ERBB4: variants seen among roughly 807,000 people sequenced by gnomAD.
The protein encoded by ERBB4 is receptor tyrosine-protein kinase erbB-4.
ERBB4 carries 42 observed loss-of-function variants against 158.0 expected under a neutral mutation model. That is an observed-to-expected ratio of 0.27 (90% confidence interval 0.21 to 0.34). The LOEUF (loss-of-function observed/expected upper bound fraction) is 0.34, where lower values mean the gene tolerates loss of function less well. Ranked by LOEUF, ERBB4 falls within the 10% of genes least tolerant of loss-of-function variation. The probability of loss-of-function intolerance (pLI) is 1.00; values close to 1 mark genes in which losing one functional copy is unlikely to be tolerated. For missense variants in ERBB4, 1,333 were observed against 1,624.1 expected (o/e 0.82, Z 3.08); for synonymous variants, 583 against 558.7 (o/e 1.04, Z -0.61).
chr2:212,529,231 TA>T (rs1355933170), intron 1 of ERBB4, among the ~76,000 whole-genome samples: 1 of 152,176 alleles, frequency 6.6e-6, no homozygotes, highest in Non-Finnish European at 1.5e-5. Context: ...ATTAAATGTT[TA>T]AATGGCAGAT....
At chr2:211,872,607 C>A (rs1304533760) in intron 3 of ERBB4, among the ~76,000 whole-genome samples, 2 of 151,926 alleles carry the variant, frequency 1.3e-5, no homozygotes, top group Non-Finnish European at 2.9e-5. Flanking sequence ...ATATGTTAAA[C>A]ATCAGGTCAG....
intron 20 of ERBB4, among the ~76,000 whole-genome samples, chr2:211,526,062 C>A (rs75495812): frequency 0.084 from 12,736 of 152,078 alleles, 668 homozygotes; most frequent in African/African-American, 0.15. Flanking sequence ...GGCTGGCTTG[C>A]CACCTGCTGA....
At chr2:212,081,984 T>G (rs1260263281) in intron 2 of ERBB4, among the ~76,000 whole-genome samples, 3 of 152,136 alleles carry the variant, frequency 2.0e-5, no homozygotes, top group Non-Finnish European at 4.4e-5. Flanking sequence ...ATTGGCTGTA[T>G]TATTGTCTAG....
intron 1 of ERBB4, 42 bp from the exon 2 acceptor site, chr2:212,124,945 A>G: frequency 1.2e-6 from 2 of 1,603,046 alleles, no homozygotes; most frequent in East Asian, 2.2e-5. Flanking sequence ...CATAACCTTT[A>G]TATGATATGC....
chr2:212,418,767 A>G (rs1560268434), intron 1 of ERBB4, among the ~76,000 whole-genome samples: 1 of 151,790 alleles, frequency 6.6e-6, no homozygotes, highest in Non-Finnish European at 1.5e-5. Flanking sequence ...AAAGGCATAA[A>G]TGATTTACCA....
intron 3 of ERBB4, among the ~76,000 whole-genome samples, chr2:211,861,337 T>G (rs1235975515): frequency 1.4e-5 from 1 of 73,864 alleles, no homozygotes; most frequent in Non-Finnish European, 2.6e-5. Flanking sequence ...GTTTTTTTTT[T>G]TGTTTTTTTT....
chr2:211,784,717 C>G (rs1475842414), intron 4 of ERBB4, among the ~76,000 whole-genome samples: 1 of 152,036 alleles, frequency 6.6e-6, no homozygotes, highest in East Asian at 1.9e-4. Context: ...ACAATCCCAC[C>G]AAGAAGGATT....
At position 212,034,455 on chromosome 2, in the gene ERBB4, A is replaced by T. The variant is rs114457019; in HGVS notation, c.235-86839T>A. Reference sequence around the variant, plus strand: ...GAATAGTGGTTATGATTCCCAGCTAATGGACAAAGCAAAAACTATCCTTTA... The same window carrying T: ...GAATAGTGGTTATGATTCCCAGCTATTGGACAAAGCAAAAACTATCCTTTA... On this transcript the variant is annotated intron_variant, in intron 2 of 27. Transcript: ENST00000342788. Among the ~76,000 whole-genome samples the T allele has an allele frequency of 8.8e-3, 1,332 of 152,168 alleles. 16 individuals carry two copies. Among genetic ancestry groups the T allele is most frequent in the African/African-American group, 0.031 (1,271 of 41,550 alleles).
chr2:212,409,864 ACAT>A (rs1228548196), intron 1 of ERBB4, among the ~76,000 whole-genome samples: 1 of 152,118 alleles, frequency 6.6e-6, no homozygotes, highest in Non-Finnish European at 1.5e-5. Flanking sequence ...ATAATACATC[ACAT>A]CAAACAGAAA....
intron 7 of ERBB4, among the ~76,000 whole-genome samples, chr2:211,722,144 A>T (rs2074118566): frequency 6.6e-6 from 1 of 152,168 alleles, no homozygotes; most frequent in Non-Finnish European, 1.5e-5. Context: ...TACAGGTGTG[A>T]GCCAGTGCGC....
At chr2:211,592,503 T>A (rs760149167) in intron 19 of ERBB4, among the ~76,000 whole-genome samples, 1 of 152,164 alleles carries the variant, frequency 6.6e-6, no homozygotes, top group Non-Finnish European at 1.5e-5. Flanking sequence ...TAAAGCGTAA[T>A]GTCTGACATG....
At chr2:211,921,111 T>C (rs2079847771) in intron 3 of ERBB4, among the ~76,000 whole-genome samples, 1 of 152,084 alleles carries the variant, frequency 6.6e-6, no homozygotes, top group African/African-American at 2.4e-5. Context: ...GCTGTATCTT[T>C]ATGCATATTC....
chr2:211,515,912 ATTTTT>A (rs1553555083), intron 20 of ERBB4, among the ~76,000 whole-genome samples: 7 of 78,984 alleles, frequency 8.9e-5, no homozygotes, highest in African/African-American at 2.8e-4. Flanking sequence ...ATATATATAT[ATTTTT>A]TTTTTTTTTT....
At chr2:211,424,990 C>T (rs2063594508) in intron 22 of ERBB4, among the ~76,000 whole-genome samples, 2 of 152,122 alleles carry the variant, frequency 1.3e-5, no homozygotes, top group African/African-American at 4.8e-5. Context: ...TTGATTTTCT[C>T]TGCAAAAGCA....
intron 20 of ERBB4, among the ~76,000 whole-genome samples, chr2:211,497,952 A>G (rs2065514593): frequency 6.6e-6 from 1 of 152,118 alleles, no homozygotes; most frequent in African/African-American, 2.4e-5. Context: ...CGGCAAGATG[A>G]AAGATGTATG....
At chr2:212,140,500 A>T (rs995068241) in intron 1 of ERBB4, among the ~76,000 whole-genome samples, 2 of 146,968 alleles carry the variant, frequency 1.4e-5, no homozygotes, top group African/African-American at 5.0e-5. Context: ...TAAATGTAAA[A>T]AGTATATTTC....
At chr2:211,952,322 T>C (rs912663001) in intron 2 of ERBB4, among the ~76,000 whole-genome samples, 1 of 152,044 alleles carries the variant, frequency 6.6e-6, no homozygotes, top group South Asian at 2.1e-4. Flanking sequence ...AAGTTAATAA[T>C]GGTAGGAGTG....
At chr2:212,490,414 C>A (rs190352191) in intron 1 of ERBB4, among the ~76,000 whole-genome samples, 1 of 151,750 alleles carries the variant, frequency 6.6e-6, no homozygotes, top group African/African-American at 2.4e-5. Context: ...ATTTTCATGC[C>A]CTCACTGTCT....
intron 1 of ERBB4, among the ~76,000 whole-genome samples, chr2:212,258,671 C>A (rs986376660): frequency 8.7e-5 from 13 of 149,588 alleles, no homozygotes; most frequent in Admixed American, 6.7e-5. Flanking sequence ...TTGAGGCAGT[C>A]TAGTTAAAGC....
Sources: gnomAD v4.1 joint callset for allele counts (sites outside exome capture counted in the v4.1 genomes callset) on GRCh38, gnomAD v4.1.1 for gene constraint, MANE v1.5 for transcripts, NCBI Gene and HGNC (gene_info 2026-07-23, HGNC 2026-07-21) for gene names.